Variants in CADM2 observed in about 807,000 individuals in gnomAD.
CADM2 encodes cell adhesion molecule 2.
A neutral mutation model predicts 49.8 loss-of-function variants in CADM2; 12 were observed. The observed-to-expected ratio is 0.24, with a 90% CI of 0.15 to 0.39. The LOEUF is 0.39. CADM2 is among the 10% of genes least tolerant of loss of function. The pLI is 1.00. For synonymous variants in CADM2, 214 were observed against 175.4 expected (o/e 1.22, Z -1.74); for missense variants, 378 against 492.3 (o/e 0.77, Z 2.20).
chr3:85,313,568 A>G (rs1455513944), intron 1 of CADM2, among the ~76,000 whole-genome samples: 2 of 152,158 alleles, frequency 1.3e-5, no homozygotes, highest in Non-Finnish European at 2.9e-5. Context: ...GTTTCCTGCT[A>G]TCTTGAGTAT....
chr3:85,557,521 TGTAAA>T (rs1415947977), intron 1 of CADM2, among the ~76,000 whole-genome samples: 2 of 151,640 alleles, frequency 1.3e-5, no homozygotes. Flanking sequence ...ATTTTACTAA[TGTAAA>T]GTAAAATTTA....
At position 84,959,341 on chromosome 3, in the gene CADM2, C is replaced by T; in HGVS notation, c.-267C>T. The T allele has an allele frequency of 1.1e-5, 6 of 562,734 alleles. No homozygotes were observed. The South Asian group carries it at 1.2e-4, about 12-fold the overall frequency. 34.9% of individuals were successfully genotyped at this position (562,734 alleles called of 1,614,324 possible). On this transcript the variant is annotated 5_prime_UTR_variant, in exon 1 of 10. Transcript: ENST00000383699. ...AGGAAGGCAAGCTCCAAACCCCTGC[C>T]TGGAAGACGGGCTGTCGCGGCTGCA...
intron 1 of CADM2, among the ~76,000 whole-genome samples, chr3:84,999,833 G>A (rs939040688): frequency 2.0e-5 from 3 of 152,058 alleles, no homozygotes; most frequent in Non-Finnish European, 4.4e-5. Context: ...CACATATTTT[G>A]AAAGAGAATG....
At chr3:85,142,986 T>C (rs116700053) in intron 1 of CADM2, among the ~76,000 whole-genome samples, 4,687 of 152,336 alleles carry the variant, frequency 0.031, 102 homozygotes, top group East Asian at 0.044. Context: ...TGTGAAGATA[T>C]ATTGCAAATT....
At chr3:85,482,143 A>T (rs556479628) in intron 1 of CADM2, among the ~76,000 whole-genome samples, 68 of 151,908 alleles carry the variant, frequency 4.5e-4, no homozygotes, top group Middle Eastern at 3.4e-3. Context: ...GGGCATGCTT[A>T]TTATTCCATA....
At chr3:85,689,145 C>T (rs2066306282) in intron 1 of CADM2, among the ~76,000 whole-genome samples, 1 of 151,976 alleles carries the variant, frequency 6.6e-6, no homozygotes, top group African/African-American at 2.4e-5. Flanking sequence ...ATTGATTTGT[C>T]AAAGAATGCT....
chr3:85,931,358 A>G (rs1018797079), intron 6 of CADM2, among the ~76,000 whole-genome samples: 19 of 152,246 alleles, frequency 1.2e-4, no homozygotes, highest in African/African-American at 4.3e-4. Flanking sequence ...AGGATCGATC[A>G]TGTGAGCCCA....
At chr3:85,744,459 A>T (rs2068527419) in intron 2 of CADM2, among the ~76,000 whole-genome samples, 1 of 152,132 alleles carries the variant, frequency 6.6e-6, no homozygotes, top group African/African-American at 2.4e-5. Context: ...TCTGTATCAA[A>T]ATATCTCATA....
intron 1 of CADM2, among the ~76,000 whole-genome samples, chr3:85,536,316 G>C (rs1441893130): frequency 6.6e-6 from 1 of 151,940 alleles, no homozygotes; most frequent in East Asian, 1.9e-4. Flanking sequence ...ACACTGAATA[G>C]ACCAATAACA....
intron 1 of CADM2, among the ~76,000 whole-genome samples, chr3:85,624,159 A>G (rs1441883095): frequency 6.6e-6 from 1 of 152,148 alleles, no homozygotes; most frequent in Non-Finnish European, 1.5e-5. Context: ...ACAGATATTC[A>G]TGGTAATTTA....
At chr3:85,134,117 C>T (rs1394462970) in intron 1 of CADM2, among the ~76,000 whole-genome samples, 1 of 152,242 alleles carries the variant, frequency 6.6e-6, no homozygotes, top group Non-Finnish European at 1.5e-5. Flanking sequence ...CTAAGCCCCT[C>T]ATTGCCTGGG....
At chr3:85,166,900 A>G (rs1023617504) in intron 1 of CADM2, among the ~76,000 whole-genome samples, 3 of 152,006 alleles carry the variant, frequency 2.0e-5, no homozygotes, top group African/African-American at 7.2e-5. Context: ...GTATATGATA[A>G]AATTAAAATA....
In CADM2 at chr3:86,067,803, AAC is replaced by A. The variant is rs1739493923; in HGVS notation, c.*1022_*1023del. On this transcript the variant is annotated 3_prime_UTR_variant, in exon 10 of 10. Coordinates refer to ENST00000383699, the MANE Select transcript of CADM2 (RefSeq NM_001167675.2). ...ACTTAAACCAATATTATAAGTAGAT[AAC>A]ATGTATTAGTATTTTTGTCTGTATG... The A allele has an allele frequency of 1.3e-5, 2 of 152,484 alleles. No homozygotes were observed. Among genetic ancestry groups the A allele is most frequent in the Admixed American group, 1.3e-4 (2 of 15,266 alleles). The allele number at this position is 152,484 out of a possible 1,614,324, so 9.4% of individuals were successfully genotyped here.
chr3:85,593,530 A>T (rs1156255698), intron 1 of CADM2, among the ~76,000 whole-genome samples: 1 of 152,016 alleles, frequency 6.6e-6, no homozygotes, highest in Non-Finnish European at 1.5e-5. Flanking sequence ...TTTCCAACTT[A>T]AGTGTGAACT....
chr3:85,685,268 A>G (rs1451941917), intron 1 of CADM2, among the ~76,000 whole-genome samples: 1 of 152,198 alleles, frequency 6.6e-6, no homozygotes, highest in East Asian at 1.9e-4. Context: ...GATGCCAGGT[A>G]GGCATGTCCC....
chr3:85,063,255 T>G lies in CADM2; in HGVS notation c.61+103587T>G, dbSNP rs559757745. 1.2e-4 allele frequency among the ~76,000 whole-genome samples: 19 copies of G among 152,146 alleles called. No individual in the cohort carries two copies. The South Asian group carries it at 3.7e-3, about 30-fold the overall frequency. On this transcript the variant is annotated intron_variant, in intron 1 of 9. Transcript: ENST00000383699. ...AACTTCAATCTGCTTTTGATGGAAA[T>G]GTAATTAAATGGAATCTTTTTAACT...
At chr3:85,721,227 A>G (rs1316279660) in intron 1 of CADM2, among the ~76,000 whole-genome samples, 1 of 152,192 alleles carries the variant, frequency 6.6e-6, no homozygotes, top group Non-Finnish European at 1.5e-5. Context: ...CATATATGAA[A>G]ACTTTATACT....
At chr3:85,796,927 T>A (rs1375688722) in intron 2 of CADM2, among the ~76,000 whole-genome samples, 1 of 151,800 alleles carries the variant, frequency 6.6e-6, no homozygotes, top group Non-Finnish European at 1.5e-5. Flanking sequence ...AAATCCTGTC[T>A]CTACTAAAAA....
chr3:85,021,763 G>A (rs948175186), intron 1 of CADM2, among the ~76,000 whole-genome samples: 3 of 152,092 alleles, frequency 2.0e-5, no homozygotes, highest in Admixed American at 6.6e-5. Context: ...TGACAAGGGC[G>A]AAACTCCGTC....
Sources: gnomAD v4.1 joint callset for allele counts (sites outside exome capture counted in the v4.1 genomes callset) on GRCh38, gnomAD v4.1.1 for gene constraint, MANE v1.5 for transcripts, NCBI Gene and HGNC (gene_info 2026-07-23, HGNC 2026-07-21) for gene names.